Variants in NPTXR observed in about 807,000 individuals in gnomAD.
NPTXR encodes neuronal pentraxin receptor.
In NPTXR, 12 loss-of-function variants were observed where a neutral mutation model predicts 32.2. That is an observed-to-expected ratio of 0.37 (90% CI 0.24 to 0.60). The LOEUF (loss-of-function observed/expected upper bound fraction) is 0.60. Among genes scored for constraint, NPTXR ranks in the 20% least tolerant of loss-of-function variants. The pLI, the probability that NPTXR is intolerant of heterozygous loss-of-function variation, is 0.66. For synonymous variants in NPTXR, 323 were observed against 315.8 expected (o/e 1.02, Z -0.24); for missense variants, 612 against 682.9 (o/e 0.90, Z 1.16).
intron 2 of NPTXR, among the ~76,000 whole-genome samples, chr22:38,827,728 G>T (rs917254914): frequency 6.6e-6 from 1 of 152,184 alleles, no homozygotes; most frequent in Admixed American, 6.5e-5. Context: ...CTGAGGCCTG[G>T]GGAAGGAAGT....
intron 1 of NPTXR, among the ~76,000 whole-genome samples, chr22:38,837,845 T>TTTTTTATTTTATTTTATTTTATTTTA (rs1555883125): frequency 7.1e-6 from 1 of 139,898 alleles, no homozygotes; most frequent in Non-Finnish European, 1.6e-5. Context: ...TTATTTTTAT[T>TTTTTTATTTTATTTTATTTTATTTTA]TTTTATTTTA....
chr22:38,819,624 G>A lies in NPTXR; in HGVS notation c.*2985C>T, dbSNP rs2093093562. On this transcript the variant is annotated 3_prime_UTR_variant, in exon 5 of 5. Coordinates refer to ENST00000333039, the MANE Select transcript of NPTXR (RefSeq NM_014293.4). ...TCTCTGTGCCCCAGTTTCCTCACCT[G>A]TCTAACGGAGCCAAGAACGTCCTAA... 1 of 151,022 alleles carries A rather than the reference G, an allele frequency of 6.6e-6. No homozygotes were observed. The highest frequency in any genetic ancestry group is 1.5e-5 in the Non-Finnish European group (1 of 68,118). 9.4% of individuals were successfully genotyped at this position (151,022 alleles called of 1,614,324 possible).
intron 1 of NPTXR, among the ~76,000 whole-genome samples, chr22:38,833,963 G>C (rs1397005818): frequency 6.6e-6 from 1 of 152,182 alleles, no homozygotes; most frequent in African/African-American, 2.4e-5. Flanking sequence ...CTGGGCAGGG[G>C]CCTGGGTAGT....
chr22:38,843,513 C>G lies in NPTXR; in HGVS notation c.346G>C (p.Ala116Pro). Residue 116 changes from alanine to proline, a missense_variant, in exon 1 of 5, where the codon GCG becomes CCG. Physicochemically the swap from Ala to Pro is conservative, Grantham distance 27 (BLOSUM62 -1). Transcript: ENST00000333039. This position sits in a 1 kb window ranked among gnomAD's most constrained non-coding sequence, Gnocchi z 5.3. ...AGCAGCTCTTCGCGCTCGCCCGGCG[C>G]AGCGCCCGCCGCGTCCCCCTGCTGG... The G allele has an allele frequency of 7.9e-7, 1 of 1,273,032 alleles. No individual in the cohort carries two copies. The highest frequency in any genetic ancestry group is 9.9e-7 in the Non-Finnish European group (1 of 1,011,216). 78.9% of individuals were successfully genotyped at this position (1,273,032 alleles called of 1,614,324 possible).
intron 1 of NPTXR, among the ~76,000 whole-genome samples, chr22:38,838,300 C>A (rs1432544353): frequency 1.3e-5 from 2 of 151,962 alleles, no homozygotes; most frequent in African/African-American, 4.8e-5. Flanking sequence ...TGTCTCTGAG[C>A]TTCTATTTGC....
chr22:38,826,916 T>A (rs1178486758), intron 2 of NPTXR, among the ~76,000 whole-genome samples, 169 bp from the exon 3 acceptor site: 1 of 152,192 alleles, frequency 6.6e-6, no homozygotes, highest in Non-Finnish European at 1.5e-5. Context: ...GTGATTAAAG[T>A]GCAGGGGCTC....
At chr22:38,836,505 G>A (rs2093124176) in intron 1 of NPTXR, among the ~76,000 whole-genome samples, 1 of 152,248 alleles carries the variant, frequency 6.6e-6, no homozygotes, top group African/African-American at 2.4e-5. Flanking sequence ...CCAGACGCAA[G>A]GGTGCACAGC....
In NPTXR at chr22:38,828,449, C is replaced by T. The variant is rs779097745; in HGVS notation, c.688G>A (p.Gly230Ser). 12 of 1,611,716 alleles carry T rather than the reference C, an allele frequency of 7.4e-6. No individual in the cohort carries two copies. Among genetic ancestry groups the T allele is most frequent in the East Asian group, 2.2e-5 (1 of 44,870 alleles). The stretch of plus-strand genomic sequence containing the variant: ...AGCTGGTCCATCTTGGAGTGTAGGC[C>T]GGTGGGCACAGCAGAGACTGGGGCT... The change falls in exon 2 of 5, where the codon GGC (glycine) becomes AGC (serine). Residue 230 changes from glycine (G) to serine (S), a missense_variant. Coordinates refer to ENST00000333039, the MANE Select transcript of NPTXR (RefSeq NM_014293.4).
rs1366082664 is a variant in NPTXR at position 38,818,981 on chromosome 22, C to T, written c.*3628G>A. 5 of 152,336 alleles carry T rather than the reference C, an allele frequency of 3.3e-5. No homozygotes were observed. The highest frequency in any genetic ancestry group is 7.3e-5 in the Non-Finnish European group (5 of 68,174). 9.4% of individuals were successfully genotyped at this position (152,336 alleles called of 1,614,324 possible). On this transcript the variant is annotated 3_prime_UTR_variant, in exon 5 of 5. Transcript: ENST00000333039. This position sits in a 1 kb window ranked among gnomAD's most constrained non-coding sequence, Gnocchi z 4.5. ...AGCTGGGTGGCCTTGAGGGTCGCTC[C>T]CCTCCCCGGGCTTCAGCTTCCTCAT...
chr22:38,830,347 A>G (rs1325233031), intron 1 of NPTXR, among the ~76,000 whole-genome samples: 1 of 152,164 alleles, frequency 6.6e-6, no homozygotes, highest in Non-Finnish European at 1.5e-5. Context: ...TGCCGGGGGC[A>G]TGGTTTTGGG....
intron 1 of NPTXR, among the ~76,000 whole-genome samples, chr22:38,841,443 C>T (rs2093131508): frequency 6.6e-6 from 1 of 152,248 alleles, no homozygotes; most frequent in African/African-American, 2.4e-5. Flanking sequence ...GCTGGGGGCA[C>T]AGGTCCAAGG....
rs138398002 is a variant in NPTXR at position 38,826,656 on chromosome 22, G to A, written c.942C>T (p.Pro314=). ...TGCAGGCGGTGAATGCGTAGAGCTC[G>A]GGCAGAGCCTTCCGCACGCGGGCGT... Residue 314 remains proline, a synonymous_variant, in exon 3 of 5, where the codon CCC becomes CCT. Coordinates refer to ENST00000333039, the MANE Select transcript of NPTXR (RefSeq NM_014293.4). 62 of 1,614,130 alleles carry A rather than the reference G, an allele frequency of 3.8e-5. No homozygotes were observed. In the Middle Eastern group the frequency reaches 4.9e-4, roughly 13 times the overall value.
rs61737784 is a variant in NPTXR, at chr22:38,822,758, C to T, written c.1354G>A (p.Ala452Thr). The T allele has an allele frequency of 5.2e-4, 838 of 1,614,150 alleles. 3 individuals are homozygous for T. The African/African-American group carries it at 9.7e-3, about 19-fold the overall frequency. ...CCCAGGACCTGGGCTGGTGTCAGGG[C>T]GTGGTCCCACAGGTTAAACTGGGCA... The change falls in exon 5 of 5, where the codon GCC becomes ACC. Residue 452 changes from alanine to threonine, a missense_variant. Coordinates refer to ENST00000333039, the MANE Select transcript of NPTXR (RefSeq NM_014293.4).
chr22:38,834,600 TCATCCATCCATCCATCCATCCATCCATC>T lies in NPTXR; in HGVS notation c.625-6116_625-6089del, dbSNP rs3042737. On this transcript the variant is annotated intron_variant, in intron 1 of 4. Transcript: ENST00000333039. The surrounding 1 kb of genome is among the most constrained non-coding windows in gnomAD (Gnocchi z 4.4). The stretch of plus-strand genomic sequence containing the variant: ...ACTCATCCATCCATCCATCCATCCA[TCATCCATCCATCCATCCATCCATCCATC>T]CATCCATCCATGTGTGCCGCAGCAA... 2.0e-5 allele frequency among the ~76,000 whole-genome samples: 3 copies of T among 147,304 alleles called. No homozygotes were observed. The highest frequency in any genetic ancestry group is 3.0e-5 in the Non-Finnish European group (2 of 66,750).
intron 2 of NPTXR, among the ~76,000 whole-genome samples, chr22:38,826,986 T>C (rs956603729): frequency 2.0e-5 from 3 of 152,156 alleles, no homozygotes; most frequent in African/African-American, 7.2e-5. Flanking sequence ...CACGTGACCG[T>C]CAACAAATTA....
chr22:38,822,871 A>C (rs375628570), intron 4 of NPTXR, 38 bp from the exon 5 acceptor site: 1 of 1,580,406 alleles, frequency 6.3e-7, no homozygotes, highest in Non-Finnish European at 8.7e-7. Context: ...AGAGGCATGG[A>C]GTGAGGGAGC....
rs543518466 is a variant in NPTXR at position 38,822,899 on chromosome 22, T to G, written c.1279-66A>C. ...GAGGGAGCAGAAAAGACAGGCAGGC[T>G]GGCTCAGTCAGGCTCTTGTCCCCGA... On this transcript the variant is annotated intron_variant, in intron 4 of 4. Transcript: ENST00000333039. The G allele has an allele frequency of 2.3e-3, 3,496 of 1,512,098 alleles. 62 individuals are homozygous for G. In the African/African-American group the frequency reaches 0.041, roughly 18 times the overall value. 93.7% of individuals were successfully genotyped at this position (1,512,098 alleles called of 1,614,324 possible). A position where few individuals can be genotyped will look rare whatever the true frequency, so the allele number is the denominator to read the frequency against.
In NPTXR at chr22:38,843,723, C is replaced by T. The variant is rs1413606126; in HGVS notation, c.136G>A (p.Ala46Thr). Residue 46 changes from alanine (A) to threonine (T), a missense_variant, in exon 1 of 5, where the codon GCC (alanine) becomes ACC (threonine). By Grantham distance (58) the Ala-to-Thr change is moderately conservative (BLOSUM62 0). Transcript: ENST00000333039. This position sits in a 1 kb window ranked among gnomAD's most constrained non-coding sequence, Gnocchi z 5.3. ...CCCGGGGACGCGGCGGCGCCCGAGG[C>T]GACCGAAGCATTGTCGGCGCCGCCG... 3 of 993,748 alleles carry T rather than the reference C, an allele frequency of 3.0e-6. No homozygotes were observed. In the African/African-American group the frequency reaches 5.3e-5, roughly 17 times the overall value. 61.6% of individuals were successfully genotyped at this position (993,748 alleles called of 1,614,324 possible). A position where few individuals can be genotyped will look rare whatever the true frequency, so the allele number is the denominator to read the frequency against.
At chr22:38,840,401 G>A (rs923463316) in intron 1 of NPTXR, among the ~76,000 whole-genome samples, 3 of 152,160 alleles carry the variant, frequency 2.0e-5, no homozygotes, top group Non-Finnish European at 2.9e-5. Flanking sequence ...CTAGGAGCAG[G>A]CCGAGGAGTT....
Sources: allele counts gnomAD v4.1 joint callset (sites outside exome capture counted in the v4.1 genomes callset), GRCh38; gene constraint gnomAD v4.1.1; non-coding constraint Gnocchi (gnomAD v3.1); transcripts MANE v1.5; gene names NCBI Gene and HGNC (gene_info 2026-07-23, HGNC 2026-07-21).